Variants in KIAA1328 observed in about 807,000 individuals in gnomAD.
The protein encoded by KIAA1328 is protein hinderin.
In KIAA1328, 52 loss-of-function variants were observed where a neutral mutation model predicts 68.1. The observed-to-expected ratio is 0.76, with a 90% CI of 0.61 to 0.96. KIAA1328 has a LOEUF of 0.96. KIAA1328 is among the 40% of genes least tolerant of loss of function. The probability of loss-of-function intolerance (pLI) is 0.00; values close to 1 mark genes in which losing one functional copy is unlikely to be tolerated. For synonymous variants in KIAA1328, 232 were observed against 239.4 expected (o/e 0.97, Z 0.28); for missense variants, 641 against 677.6 (o/e 0.95, Z 0.60).
chr18:36,989,534 A>T (rs2053082703), intron 6 of KIAA1328, among the ~76,000 whole-genome samples: 1 of 152,118 alleles, frequency 6.6e-6, no homozygotes, highest in South Asian at 2.1e-4. Context: ...ATTCCCATCC[A>T]ACATAGCTTT....
intron 6 of KIAA1328, among the ~76,000 whole-genome samples, chr18:36,977,031 G>A (rs551242465): frequency 3.0e-4 from 45 of 152,192 alleles, no homozygotes; most frequent in Admixed American, 6.5e-4. Context: ...TTTTTTAAGC[G>A]TGATAGTCAT....
intron 5 of KIAA1328, among the ~76,000 whole-genome samples, chr18:36,900,348 T>A (rs1422601366): frequency 6.6e-6 from 1 of 151,964 alleles, no homozygotes; most frequent in East Asian, 1.9e-4. Flanking sequence ...ATGATGGTAA[T>A]GCCCCTAGAT....
intron 9 of KIAA1328, among the ~76,000 whole-genome samples, chr18:37,195,953 A>G (rs2059996044): frequency 2.0e-5 from 3 of 152,072 alleles, no homozygotes; most frequent in South Asian, 4.1e-4. Context: ...CTTTCCATTT[A>G]TTAATGTTCT....
At chr18:37,198,101 T>C (rs901770109) in intron 9 of KIAA1328, among the ~76,000 whole-genome samples, 4 of 152,156 alleles carry the variant, frequency 2.6e-5, no homozygotes, top group Non-Finnish European at 5.9e-5. Flanking sequence ...ATATAGTATA[T>C]GATTTTATTT....
chr18:36,890,830 A>T (rs1386179896), intron 5 of KIAA1328, among the ~76,000 whole-genome samples: 1 of 152,192 alleles, frequency 6.6e-6, no homozygotes, highest in Non-Finnish European at 1.5e-5. Flanking sequence ...TAGTTCATAT[A>T]TGTGTAATGT....
chr18:37,190,846 C>T (rs1473266898), intron 9 of KIAA1328, among the ~76,000 whole-genome samples: 2 of 152,230 alleles, frequency 1.3e-5, no homozygotes, highest in Non-Finnish European at 2.9e-5. Context: ...ATCAAATTCA[C>T]TCCTTCCTAG....
At chr18:36,955,131 CTA>C (rs1266494350) in intron 5 of KIAA1328, among the ~76,000 whole-genome samples, 1 of 119,008 alleles carries the variant, frequency 8.4e-6, no homozygotes, top group African/African-American at 2.7e-5. Context: ...CCCCTTAAGG[CTA>C]TCTCCTATTT....
At chr18:37,157,807 CAAAAAAA>C (rs542590805) in intron 7 of KIAA1328, among the ~76,000 whole-genome samples, 9 of 55,404 alleles carry the variant, frequency 1.6e-4, no homozygotes, top group East Asian at 5.7e-4. Flanking sequence ...GACTCCTCTC[CAAAAAAA>C]AAAAAAAAAA....
intron 7 of KIAA1328, among the ~76,000 whole-genome samples, chr18:37,156,426 CAAAAAAAAA>C (rs769062667): frequency 1.1e-4 from 4 of 36,120 alleles, no homozygotes; most frequent in Admixed American, 6.8e-4. Flanking sequence ...AACTCCGCCT[CAAAAAAAAA>C]AAAAAAAAAA....
At chr18:37,115,173 C>T (rs765979276) in intron 7 of KIAA1328, among the ~76,000 whole-genome samples, 1 of 152,170 alleles carries the variant, frequency 6.6e-6, no homozygotes, top group Non-Finnish European at 1.5e-5. Flanking sequence ...ATGAGGCCAG[C>T]ATCATCCTGA....
chr18:37,161,709 T>C (rs1240987548), intron 8 of KIAA1328, among the ~76,000 whole-genome samples: 1 of 152,208 alleles, frequency 6.6e-6, no homozygotes, highest in East Asian at 1.9e-4. Flanking sequence ...ACAACTGGTG[T>C]GGTGGTTACA....
At chr18:37,199,169 G>T (rs959486653) in intron 9 of KIAA1328, among the ~76,000 whole-genome samples, 7 of 152,280 alleles carry the variant, frequency 4.6e-5, no homozygotes, top group South Asian at 2.1e-4. Context: ...TGTCATGGGG[G>T]TTTATTGTAC....
chr18:36,878,883 C>T (rs1022056699), intron 4 of KIAA1328, among the ~76,000 whole-genome samples: 1 of 152,190 alleles, frequency 6.6e-6, no homozygotes, highest in Non-Finnish European at 1.5e-5. Flanking sequence ...TTATGTTCTT[C>T]TCTGAGCTGG....
chr18:37,030,436 AT>A (rs1252583755), intron 6 of KIAA1328, among the ~76,000 whole-genome samples: 4 of 152,008 alleles, frequency 2.6e-5, no homozygotes, highest in Admixed American at 2.0e-4. Context: ...AAGATTCTTA[AT>A]TTCCAGTTAT....
intron 7 of KIAA1328, among the ~76,000 whole-genome samples, chr18:37,078,136 GATCA>G (rs1204261955): frequency 6.6e-6 from 1 of 152,156 alleles, no homozygotes. Context: ...CAGAGATATA[GATCA>G]ATGGAACAGA....
intron 6 of KIAA1328, among the ~76,000 whole-genome samples, chr18:36,992,537 G>T (rs904628996): frequency 7.0e-6 from 1 of 142,728 alleles, no homozygotes; most frequent in East Asian, 2.0e-4. Flanking sequence ...CTTAAATGTT[G>T]CATGTTCCTC....
Position 37,096,918 on chromosome 18 carries a change from G to T in KIAA1328, c.1232+29373G>T, listed in dbSNP as rs552524117. On this transcript the variant is annotated intron_variant, in intron 7 of 9. Coordinates refer to ENST00000280020, the MANE Select transcript of KIAA1328 (RefSeq NM_020776.3). ...TTTCCTTCACCCACTTTTTGTTGGG[G>T]CCGTTTGTTTTTTTCTTGTAAATTA... 5.3e-5 allele frequency among the ~76,000 whole-genome samples: 8 copies of T among 152,198 alleles called. No individual in the cohort carries two copies. The South Asian group carries it at 1.7e-3, about 32-fold the overall frequency.
At chr18:37,094,677 A>T (rs2057356227) in intron 7 of KIAA1328, among the ~76,000 whole-genome samples, 1 of 152,242 alleles carries the variant, frequency 6.6e-6, no homozygotes, top group Non-Finnish European at 1.5e-5. Context: ...CAAATGATAT[A>T]CAAAACAACC....
chr18:37,112,041 A>G (rs2057946458), intron 7 of KIAA1328, among the ~76,000 whole-genome samples: 2 of 152,190 alleles, frequency 1.3e-5, no homozygotes, highest in South Asian at 4.1e-4. Flanking sequence ...AACTGGGTGG[A>G]ACCTACCGCA....
Sources: gnomAD v4.1 joint callset for allele counts (sites outside exome capture counted in the v4.1 genomes callset) on GRCh38, gnomAD v4.1.1 for gene constraint, MANE v1.5 for transcripts, NCBI Gene and HGNC (gene_info 2026-07-23, HGNC 2026-07-21) for gene names.